The following LOXL4 variants were observed in gnomAD, a reference collection of about 807,000 sequenced individuals.
LOXL4 encodes the protein lysyl oxidase like 4, also known as lysyl oxidase homolog 4.
LOXL4 carries 72 observed loss-of-function variants against 89.1 expected under a neutral mutation model. The observed-to-expected ratio is 0.81, with a 90% CI of 0.67 to 0.98. The LOEUF (loss-of-function observed/expected upper bound fraction) is 0.98. LOXL4 is among the 50% of genes least tolerant of loss of function. The pLI is 0.00. For synonymous variants in LOXL4, 355 were observed against 392.1 expected, an observed-to-expected ratio of 0.91 and a Z score of 1.12; for missense variants, 984 against 1,017.5, an observed-to-expected ratio of 0.97 and a Z score of 0.45.
At chr10:98,264,021 G>A (rs978345143) in intron 1 of LOXL4, among the ~76,000 whole-genome samples, 3 of 151,894 alleles carry the variant, frequency 2.0e-5, no homozygotes, top group African/African-American at 7.3e-5. Context: ...GTGAGCCACT[G>A]TGCCCGGCCC....
chr10:98,253,923 T>C (rs1858284881), intron 10 of LOXL4, 127 bp from the exon 11 acceptor site: 18 of 1,190,618 alleles, frequency 1.5e-5, no homozygotes, highest in Non-Finnish European at 2.0e-5. Context: ...AGAAGGGCAG[T>C]TTTAAGAGTC....
intron 12 of LOXL4, 196 bp downstream of exon 12, chr10:98,252,157 G>C: frequency 1.7e-6 from 1 of 571,666 alleles, no homozygotes; most frequent in South Asian, 2.0e-5. Flanking sequence ...AACAATGCGT[G>C]GGGAATTCAG....
intron 6 of LOXL4, among the ~76,000 whole-genome samples, chr10:98,258,540 T>C (rs1403683838): frequency 6.6e-6 from 1 of 151,800 alleles, no homozygotes; most frequent in Non-Finnish European, 1.5e-5. Context: ...CATCTCAGTG[T>C]GGCACTAAGG....
chr10:98,263,108 T>G, intron 1 of LOXL4, 57 bp from the exon 2 acceptor site: 1 of 1,456,562 alleles, frequency 6.9e-7, no homozygotes, highest in Non-Finnish European at 9.3e-7. Context: ...CTCAGACCTC[T>G]GCAGCAATTT....
At chr10:98,257,173 T>G (rs550234472) in intron 8 of LOXL4, among the ~76,000 whole-genome samples, 19 of 152,312 alleles carry the variant, frequency 1.2e-4, no homozygotes, top group African/African-American at 4.6e-4. Flanking sequence ...GACCAGGGGC[T>G]CCTCCTGCTC....
chr10:98,263,004 G>A lies in LOXL4; in HGVS notation c.16C>T (p.Pro6Ser), dbSNP rs547974736. Reference sequence around the variant, plus strand: ...AGCAGGAACAGAAAGAGGGTGGCTGGTGGGGACCACGCCATGGTGACTTCA... The same window carrying A: ...AGCAGGAACAGAAAGAGGGTGGCTGATGGGGACCACGCCATGGTGACTTCA... MAWSP[P>S]ATLFLFLLLL... is the part of the protein sequence containing the mutation. Residue 6 changes from proline (P) to serine (S), a missense_variant, in exon 2 of 15, where the codon CCA (proline) becomes TCA (serine). Coordinates refer to ENST00000260702, the MANE Select transcript of LOXL4 (RefSeq NM_032211.7). 7 of 1,613,506 alleles carry A rather than the reference G, an allele frequency of 4.3e-6. No homozygotes were observed. The Admixed American group carries it at 6.7e-5, about 15-fold the overall frequency.
intron 8 of LOXL4, among the ~76,000 whole-genome samples, chr10:98,257,368 C>T (rs574462549): frequency 1.2e-3 from 185 of 152,328 alleles, no homozygotes; most frequent in African/African-American, 4.0e-3. Context: ...TCCCTCGTGC[C>T]GACAGCCCTG....
At chr10:98,262,544 G>A (rs1858574365) in intron 2 of LOXL4, among the ~76,000 whole-genome samples, 199 bp downstream of exon 2, 1 of 152,212 alleles carries the variant, frequency 6.6e-6, no homozygotes, top group Admixed American at 6.5e-5. Context: ...GTTTAGTGGT[G>A]GTGACGGCGG....
chr10:98,250,988 G>A, intron 14 of LOXL4, 77 bp downstream of exon 14: 1 of 1,011,982 alleles, frequency 9.9e-7, no homozygotes, highest in Admixed American at 1.8e-5. Flanking sequence ...GCTGGAGTGT[G>A]GGAGCAGAGG....
chr10:98,256,674 A>G, intron 9 of LOXL4, 106 bp downstream of exon 9: 1 of 1,325,186 alleles, frequency 7.5e-7, no homozygotes, highest in Non-Finnish European at 1.1e-6. Flanking sequence ...TCACTCAGTA[A>G]TGAATTGCCA....
chr10:98,251,214 T>G lies in LOXL4; in HGVS notation c.2089-38A>C, dbSNP rs750714906. ...AGGGGACAACTGAAAATGGGTGATT[T>G]GGTTTCTGAATGAGTTGACTGTGGC... On this transcript the variant is annotated intron_variant, in intron 13 of 14. Transcript: ENST00000260702. 5.4e-6 allele frequency: 8 copies of G among 1,469,782 alleles called. No individual in the cohort carries two copies. The Admixed American group carries it at 6.7e-5, about 12-fold the overall frequency. 91.0% of individuals were successfully genotyped at this position (1,469,782 alleles called of 1,614,324 possible). A position where few individuals can be genotyped will look rare whatever the true frequency, so the allele number is the denominator to read the frequency against.
chr10:98,259,002 G>A lies in LOXL4; in HGVS notation c.921+7C>T, dbSNP rs1858461495. The A allele has an allele frequency of 6.5e-7, 1 of 1,528,282 alleles. No homozygotes were observed. The highest frequency in any genetic ancestry group is 8.8e-7 in the Non-Finnish European group (1 of 1,131,218). The allele number at this position is 1,528,282 out of a possible 1,614,324, so 94.7% of individuals were successfully genotyped here. ...TGTGGTGTGAGTGCAGGATGCCCAGGGCTCACCTCTGCCCAGGACCCTTTG... is the reference window on the plus strand; with the variant it reads ...TGTGGTGTGAGTGCAGGATGCCCAGAGCTCACCTCTGCCCAGGACCCTTTG... On this transcript the variant is annotated splice_region_variant and intron_variant, in intron 6 of 14. Coordinates refer to ENST00000260702, the MANE Select transcript of LOXL4 (RefSeq NM_032211.7).
At chr10:98,260,896 G>T in intron 4 of LOXL4, 26 bp downstream of exon 4, 1 of 1,581,998 alleles carries the variant, frequency 6.3e-7, no homozygotes, top group Non-Finnish European at 8.6e-7. Context: ...TGCCTCCTGT[G>T]GGGCCTACGC....
At position 98,256,941 on chromosome 10, in the gene LOXL4, A is replaced by G. The variant is rs1590879635; in HGVS notation, c.1267T>C (p.Leu423=). 6.2e-7 allele frequency: 1 copy of G among 1,613,950 alleles called. No homozygotes were observed. Among genetic ancestry groups the G allele is most frequent in the Non-Finnish European group, 8.5e-7 (1 of 1,179,922 alleles). Reference sequence around the variant, plus strand: ...TCCTCAGGGATACGCCCACCAGCCAAGCGCACCTGCAATGGCGAGGGGTGT... The same window carrying G: ...TCCTCAGGGATACGCCCACCAGCCAGGCGCACCTGCAATGGCGAGGGGTGT... ...PNMGFQNQVR[L]AGGRIPEEGL... Residue 423 remains leucine (L), a synonymous_variant, in exon 9 of 15, where the codon TTG becomes CTG. Transcript: ENST00000260702.
intron 3 of LOXL4, 51 bp from the exon 4 acceptor site, chr10:98,261,178 G>A: frequency 6.4e-7 from 1 of 1,574,782 alleles, no homozygotes; most frequent in Non-Finnish European, 8.6e-7. Context: ...CTCCTCCAGT[G>A]GAGCCTGCTG....
chr10:98,257,577 C>T (rs570409318), intron 8 of LOXL4, 73 bp downstream of exon 8: 9 of 1,528,150 alleles, frequency 5.9e-6, no homozygotes, highest in South Asian at 5.0e-5. Context: ...CCCGCTAGCT[C>T]GATGTGGTGT....
intron 4 of LOXL4, 129 bp from the exon 5 acceptor site, chr10:98,259,558 A>G: frequency 1.2e-6 from 1 of 824,314 alleles, no homozygotes; most frequent in Middle Eastern, 2.9e-4. Flanking sequence ...CACTAATCTG[A>G]TTTCAATGCT....
chr10:98,257,857 C>T, intron 7 of LOXL4, 53 bp from the exon 8 acceptor site: 2 of 1,585,464 alleles, frequency 1.3e-6, no homozygotes. Flanking sequence ...TAACCCCACA[C>T]TTGTGGCTTC....
At chr10:98,265,651 G>T (rs1858665261) in intron 1 of LOXL4, among the ~76,000 whole-genome samples, 1 of 148,930 alleles carries the variant, frequency 6.7e-6, no homozygotes, top group African/African-American at 2.5e-5. Flanking sequence ...ACCCGCCTTG[G>T]CCTCCCAAAG....
Sources: gnomAD v4.1 joint callset for allele counts (sites outside exome capture counted in the v4.1 genomes callset) on GRCh38, gnomAD v4.1.1 for gene constraint, MANE v1.5 for transcripts, NCBI Gene and HGNC (gene_info 2026-07-23, HGNC 2026-07-21) for gene names.